Variants in MRTFA observed in about 807,000 individuals in gnomAD.
The protein encoded by MRTFA is myocardin related transcription factor A, also known as myocardin-related transcription factor A.
A neutral mutation model predicts 83.5 loss-of-function variants in MRTFA; 20 were observed. That is an observed-to-expected ratio of 0.24 (90% CI 0.17 to 0.35). The LOEUF (loss-of-function observed/expected upper bound fraction) is 0.35, where lower values mean the gene tolerates loss of function less well. Ranked by LOEUF, MRTFA falls within the 10% of genes least tolerant of loss-of-function variation. The probability of loss-of-function intolerance (pLI) is 1.00; values close to 1 mark genes in which losing one functional copy is unlikely to be tolerated. For synonymous variants in MRTFA, 659 were observed against 541.2 expected, an observed-to-expected ratio of 1.22 and a Z score of -3.02; for missense variants, 1,200 against 1,224.7, an observed-to-expected ratio of 0.98 and a Z score of 0.30.
chr22:40,423,738 C>A lies in MRTFA; in HGVS notation c.778-53G>T. 4.1e-6 allele frequency: 6 copies of A among 1,454,616 alleles called. No individual in the cohort carries two copies. In the South Asian group the frequency reaches 8.7e-5, roughly 21 times the overall value. 90.1% of individuals were successfully genotyped at this position (1,454,616 alleles called of 1,614,324 possible). A position where few individuals can be genotyped will look rare whatever the true frequency, so the allele number is the denominator to read the frequency against. ...ATGGCCACCTCCAGGTAGGGTGTGC[C>A]CAGCCTGCCCTGACCCTACACAGGG... On this transcript the variant is annotated intron_variant, in intron 8 of 14. Transcript: ENST00000355630.
At chr22:40,498,360 C>T (rs12159319) in intron 3 of MRTFA, among the ~76,000 whole-genome samples, 1 of 133,066 alleles carries the variant, frequency 7.5e-6, no homozygotes, top group Non-Finnish European at 1.5e-5. Context: ...TCACAGCTCA[C>T]TGCAGCCCTG....
chr22:40,451,269 C>T (rs991351139), intron 4 of MRTFA, among the ~76,000 whole-genome samples: 2 of 152,098 alleles, frequency 1.3e-5, no homozygotes, highest in African/African-American at 4.8e-5. Context: ...GTCAACAGTT[C>T]GAGAGACTGA....
At chr22:40,547,649 C>T (rs531203248) in intron 3 of MRTFA, among the ~76,000 whole-genome samples, 1 of 152,038 alleles carries the variant, frequency 6.6e-6, no homozygotes, top group South Asian at 2.1e-4. Flanking sequence ...GTTAGGAGTT[C>T]AAGACCAGCC....
intron 3 of MRTFA, among the ~76,000 whole-genome samples, chr22:40,508,512 T>TC (rs1345519405): frequency 7.8e-5 from 3 of 38,546 alleles, no homozygotes; most frequent in African/African-American, 9.9e-5. Flanking sequence ...ACTCCGTCTC[T>TC]CAAAAAAAAA....
At chr22:40,617,377 G>A (rs538130325) in intron 1 of MRTFA, among the ~76,000 whole-genome samples, 113 of 152,190 alleles carry the variant, frequency 7.4e-4, no homozygotes, top group African/African-American at 2.6e-3. Flanking sequence ...TCTCACAAAC[G>A]GAGGCCAAAT....
At chr22:40,617,744 A>G (rs2056470966) in intron 1 of MRTFA, among the ~76,000 whole-genome samples, 1 of 151,820 alleles carries the variant, frequency 6.6e-6, no homozygotes, top group Non-Finnish European at 1.5e-5. Flanking sequence ...AAAAAGAAAA[A>G]AAAAGAAAGA....
intron 4 of MRTFA, among the ~76,000 whole-genome samples, chr22:40,459,083 A>T (rs1249143840): frequency 6.6e-6 from 1 of 151,522 alleles, no homozygotes; most frequent in Non-Finnish European, 1.5e-5. Context: ...TCAAAAAAAA[A>T]AAAAAAAGAC....
intron 2 of MRTFA, chr22:40,587,880 G>T: frequency 2.3e-6 from 1 of 428,946 alleles, no homozygotes; most frequent in South Asian, 3.2e-5. Flanking sequence ...AAGTTGGTGT[G>T]AACAAAGTTC....
At chr22:40,636,419 G>A (rs1423399276) in intron 1 of MRTFA, 59 bp downstream of exon 1, 6 of 152,280 alleles carry the variant, frequency 3.9e-5, no homozygotes, top group South Asian at 2.1e-4. Flanking sequence ...GAAAAAGGAT[G>A]CTCCAGGCGG....
At chr22:40,556,948 C>A (rs1341019829) in intron 2 of MRTFA, among the ~76,000 whole-genome samples, 1 of 152,150 alleles carries the variant, frequency 6.6e-6, no homozygotes, top group Non-Finnish European at 1.5e-5. Context: ...AACTTCAGCC[C>A]TAGGACTTAG....
intron 3 of MRTFA, among the ~76,000 whole-genome samples, chr22:40,487,992 T>C (rs1569292688): frequency 6.6e-6 from 1 of 152,030 alleles, no homozygotes; most frequent in East Asian, 1.9e-4. Context: ...CTTAAACCTA[T>C]CACACACATA....
intron 4 of MRTFA, among the ~76,000 whole-genome samples, chr22:40,453,579 G>C (rs939075398): frequency 6.6e-6 from 1 of 152,102 alleles, no homozygotes; most frequent in African/African-American, 2.4e-5. Context: ...AGATGATAAA[G>C]GCCCAGAGAG....
At chr22:40,531,511 C>A (rs571137461) in intron 3 of MRTFA, among the ~76,000 whole-genome samples, 1 of 152,132 alleles carries the variant, frequency 6.6e-6, no homozygotes, top group Non-Finnish European at 1.5e-5. Context: ...TATTCAATAT[C>A]CTGAAGTTTT....
intron 1 of MRTFA, among the ~76,000 whole-genome samples, chr22:40,623,267 T>C (rs1215101488): frequency 6.6e-6 from 1 of 152,238 alleles, no homozygotes; most frequent in African/African-American, 2.4e-5. Context: ...ACCAAAGTTA[T>C]GTAACACGGT....
intron 3 of MRTFA, among the ~76,000 whole-genome samples, chr22:40,509,842 T>C (rs2054637461): frequency 6.6e-6 from 1 of 151,782 alleles, no homozygotes; most frequent in Non-Finnish European, 1.5e-5. Flanking sequence ...TTAGGCAAAT[T>C]TCCAGCCCCA....
intron 6 of MRTFA, among the ~76,000 whole-genome samples, chr22:40,430,380 C>T (rs1256471885): frequency 1.3e-5 from 2 of 151,764 alleles, no homozygotes; most frequent in African/African-American, 2.4e-5. Flanking sequence ...CCCAGCGACT[C>T]GGAAGGCTGA....
In MRTFA at chr22:40,431,460, C is replaced by G. The variant is rs749129610; in HGVS notation, c.384G>C (p.Arg128=). The change falls in exon 6 of 15, where the codon CGG becomes CGC. Residue 128 remains arginine (R), a synonymous_variant. Transcript: ENST00000355630. ...ATCTCTCCGGCCGGGAACGAATCTTCCGTTTGAGATAGTCCTCTGTCTACA... is the reference window on the plus strand; with the variant it reads ...ATCTCTCCGGCCGGGAACGAATCTTGCGTTTGAGATAGTCCTCTGTCTACA... 1.2e-6 allele frequency: 2 copies of G among 1,614,084 alleles called. No individual in the cohort carries two copies. Among genetic ancestry groups the G allele is most frequent in the Non-Finnish European group, 1.7e-6 (2 of 1,179,946 alleles).
At chr22:40,627,390 A>G (rs2056594404) in intron 1 of MRTFA, among the ~76,000 whole-genome samples, 1 of 152,200 alleles carries the variant, frequency 6.6e-6, no homozygotes, top group Non-Finnish European at 1.5e-5. Flanking sequence ...CTGGGATTAC[A>G]GGTGTAAGCC....
intron 2 of MRTFA, among the ~76,000 whole-genome samples, chr22:40,568,245 C>A (rs556262100): frequency 1.3e-5 from 2 of 152,216 alleles, no homozygotes; most frequent in Non-Finnish European, 2.9e-5. Flanking sequence ...CTTCCAATTA[C>A]ACTTTAATTA....
Sources: allele counts gnomAD v4.1 joint callset (sites outside exome capture counted in the v4.1 genomes callset), GRCh38; gene constraint gnomAD v4.1.1; transcripts MANE v1.5; gene names NCBI Gene and HGNC (gene_info 2026-07-23, HGNC 2026-07-21).